Variants in PTK2 observed in about 807,000 individuals in gnomAD.
PTK2 encodes protein tyrosine kinase 2.
In PTK2, 45 loss-of-function variants were observed where a neutral mutation model predicts 150.1. That is an observed-to-expected ratio of 0.30 (90% CI 0.24 to 0.38). The LOEUF is 0.38. Ranked by LOEUF, PTK2 falls within the 10% of genes least tolerant of loss-of-function variation. The pLI is 1.00. For synonymous variants in PTK2, 432 were observed against 449.2 expected (o/e 0.96, Z 0.48); for missense variants, 919 against 1,307.3 (o/e 0.70, Z 4.58).
chr8:140,746,587 A>G, intron 18 of PTK2, 173 bp downstream of exon 21: 1 of 484,202 alleles, frequency 2.1e-6, no homozygotes, highest in Non-Finnish European at 3.6e-6. Flanking sequence ...TGCTTTGGGA[A>G]TTTAATGATG....
chr8:140,847,717 C>T (rs1033597690), intron 5 of PTK2, among the ~76,000 whole-genome samples: 2 of 152,122 alleles, frequency 1.3e-5, no homozygotes, highest in South Asian at 2.1e-4. Flanking sequence ...TGCATTTTGC[C>T]TCGTTCCTGA....
chr8:140,950,668 C>T (rs748502927), intron 1 of PTK2, among the ~76,000 whole-genome samples: 3 of 152,310 alleles, frequency 2.0e-5, no homozygotes, highest in South Asian at 4.1e-4. Context: ...CACCAGCCAC[C>T]GTGATTTCTG....
chr8:140,691,439 T>A (rs2100023168), intron 26 of PTK2, among the ~76,000 whole-genome samples: 1 of 152,212 alleles, frequency 6.6e-6, no homozygotes, highest in African/African-American at 2.4e-5. Flanking sequence ...TTTAAAACTC[T>A]CAACCAATTC....
At chr8:140,941,789 T>A (rs1015025634) in intron 1 of PTK2, among the ~76,000 whole-genome samples, 3 of 152,166 alleles carry the variant, frequency 2.0e-5, no homozygotes, top group Non-Finnish European at 4.4e-5. Context: ...CAATGCAGCC[T>A]CGACCCCTCA....
intron 26 of PTK2, among the ~76,000 whole-genome samples, chr8:140,694,983 T>C (rs995261084): frequency 1.3e-5 from 2 of 152,092 alleles, no homozygotes; most frequent in African/African-American, 2.4e-5. Context: ...CACCAAGCTT[T>C]CCATGCGGCT....
chr8:140,821,890 C>T (rs9650572), intron 8 of PTK2: 88,312 of 152,030 alleles, frequency 0.58, 27,283 homozygotes, highest in African/African-American at 0.79. Context: ...AAATGTATCA[C>T]ATGGAAAGTG....
In PTK2 at chr8:140,675,656, G is replaced by A. The variant is rs1179808292; in HGVS notation, c.2563-157C>T. 7.5e-5 allele frequency: 45 copies of A among 602,784 alleles called. No homozygotes were observed. In the South Asian group the frequency reaches 9.2e-4, roughly 12 times the overall value. 37.3% of individuals were successfully genotyped at this position (602,784 alleles called of 1,614,324 possible). A position where few individuals can be genotyped will look rare whatever the true frequency, so the allele number is the denominator to read the frequency against. On this transcript the variant is annotated intron_variant, in intron 27 of 31. Coordinates refer to ENST00000522684, the Ensembl canonical transcript of PTK2. ...GGTTCTGCATAAGGTCTCAGTTGGG[G>A]TGGGGGATCAGGCAAATAAGCAAAT...
At chr8:140,680,147 A>T (rs2100016203) in intron 27 of PTK2, among the ~76,000 whole-genome samples, 1 of 152,200 alleles carries the variant, frequency 6.6e-6, no homozygotes, top group Non-Finnish European at 1.5e-5. Flanking sequence ...GTTAGCACTA[A>T]GCACTCTTAC....
At chr8:140,829,060 A>G (rs1191299520) in intron 8 of PTK2, among the ~76,000 whole-genome samples, 1 of 152,192 alleles carries the variant, frequency 6.6e-6, no homozygotes, top group Non-Finnish European at 1.5e-5. Context: ...TTCCCTAATA[A>G]TTCACTGTAG....
At chr8:140,855,934 G>A (rs2100132287) in intron 5 of PTK2, among the ~76,000 whole-genome samples, 1 of 151,980 alleles carries the variant, frequency 6.6e-6, no homozygotes. Flanking sequence ...ATTTTATGAT[G>A]GTAAGTGTGT....
At chr8:140,859,869 T>C (rs2100135029) in intron 5 of PTK2, among the ~76,000 whole-genome samples, 1 of 150,702 alleles carries the variant, frequency 6.6e-6, no homozygotes, top group South Asian at 2.1e-4. Flanking sequence ...CAGGACAATA[T>C]ATGGATCACT....
chr8:140,666,897 A>G (rs964494554), intron 30 of PTK2, among the ~76,000 whole-genome samples: 3 of 152,254 alleles, frequency 2.0e-5, no homozygotes, highest in Non-Finnish European at 1.5e-5. Flanking sequence ...GTAAATAAAC[A>G]AAATGTGGTG....
chr8:140,927,882 T>C (rs1351141150), intron 1 of PTK2, among the ~76,000 whole-genome samples: 1 of 144,430 alleles, frequency 6.9e-6, no homozygotes, highest in Non-Finnish European at 1.5e-5. Context: ...TTGAACCTGG[T>C]TGCAATGAGC....
chr8:140,894,323 A>T (rs1281780651), intron 2 of PTK2, among the ~76,000 whole-genome samples: 3 of 152,218 alleles, frequency 2.0e-5, no homozygotes, highest in Admixed American at 6.5e-5. Context: ...CCTCTAGACC[A>T]GTGAGAAATA....
intron 14 of PTK2, among the ~76,000 whole-genome samples, chr8:140,782,424 G>A (rs73371818): frequency 0.038 from 5,798 of 152,120 alleles, 297 homozygotes; most frequent in African/African-American, 0.11. Flanking sequence ...TTTTTGTAGA[G>A]ACAGGGTTTC....
chr8:140,870,457 G>A (rs758534313), intron 4 of PTK2, among the ~76,000 whole-genome samples: 1 of 152,124 alleles, frequency 6.6e-6, no homozygotes, highest in Non-Finnish European at 1.5e-5. Context: ...GAAATAAGTG[G>A]TAAACAGAAA....
intron 1 of PTK2, among the ~76,000 whole-genome samples, chr8:140,986,057 T>G (rs2100193124): frequency 6.6e-6 from 1 of 152,224 alleles, no homozygotes; most frequent in Non-Finnish European, 1.5e-5. Context: ...TGCAAGTCCC[T>G]GATGAGGTTT....
intron 2 of PTK2, among the ~76,000 whole-genome samples, chr8:140,918,080 A>G (rs898827800): frequency 2.0e-5 from 3 of 152,220 alleles, no homozygotes; most frequent in Non-Finnish European, 4.4e-5. Flanking sequence ...CTGCTTCCTC[A>G]TCGAGCTCAT....
chr8:140,995,410 T>A lies in PTK2; in HGVS notation c.-122+5715A>T, dbSNP rs547480602. 9.1e-5 allele frequency among the ~76,000 whole-genome samples: 13 copies of A among 143,578 alleles called. No homozygotes were observed. In the South Asian group the frequency reaches 2.6e-3, roughly 29 times the overall value. The allele number at this position is 143,578 out of a possible 152,430, so 94.2% of individuals were successfully genotyped here. A position where few individuals can be genotyped will look rare whatever the true frequency, so the allele number is the denominator to read the frequency against. On this transcript the variant is annotated intron_variant, in intron 1 of 31. Transcript: ENST00000522684. ...AAAAAAAAAAAAAAAGAAAAGAAAC[T>A]CTATAATGGCCTCAAAGTGTTCAAG...
Sources: allele counts gnomAD v4.1 joint callset (sites outside exome capture counted in the v4.1 genomes callset), GRCh38; gene constraint gnomAD v4.1.1; transcripts MANE v1.5; gene names NCBI Gene and HGNC (gene_info 2026-07-23, HGNC 2026-07-21).